RNF103: variants seen among roughly 807,000 people sequenced by gnomAD.
RNF103 encodes the protein ring finger protein 103.
RNF103 carries 23 observed loss-of-function variants against 66.2 expected under a neutral mutation model. The ratio of observed to expected loss-of-function variants is 0.35; its 90% confidence interval spans 0.25 to 0.49. RNF103 has a LOEUF of 0.49. RNF103 is among the 20% of genes least tolerant of loss of function. RNF103 has a pLI of 0.98. For missense variants in RNF103, 730 were observed against 814.7 expected, an observed-to-expected ratio of 0.90 and a Z score of 1.27; for synonymous variants, 297 against 289.9, an observed-to-expected ratio of 1.02 and a Z score of -0.25.
At position 86,620,586 on chromosome 2, in the gene RNF103, A is replaced by G. The variant is rs1573371419; in HGVS notation, c.227-117T>C. The G allele has an allele frequency of 8.5e-6, 11 of 1,289,316 alleles. No individual in the cohort carries two copies. In the East Asian group the frequency reaches 2.9e-4, roughly 34 times the overall value. 79.9% of individuals were successfully genotyped at this position (1,289,316 alleles called of 1,614,324 possible). A position where few individuals can be genotyped will look rare whatever the true frequency, so the allele number is the denominator to read the frequency against. On this transcript the variant is annotated intron_variant, in intron 1 of 3. Transcript: ENST00000237455. ...TGATATTGTACTTTCATTGTATTTT[A>G]TAGACAAGAACTACTAGAAGAACCT...
chr2:86,604,385 T>C lies in RNF103; in HGVS notation c.1516A>G (p.Thr506Ala). Residue 506 changes from threonine (T) to alanine (A), a missense_variant, in exon 4 of 4, where the codon ACT (threonine) becomes GCT (alanine). Physicochemically the swap from Thr to Ala is moderately conservative, Grantham distance 58. Around this residue, in one of 3 missense-constraint regions of RNF103, gnomAD observed 355 missense variants for 351.9 expected, o/e 1.01. Coordinates refer to ENST00000237455, the MANE Select transcript of RNF103 (RefSeq NM_005667.4). ...ATTGGTAAGTTTTTAATATAATCAG[T>C]TGGTATCAGAGGGTGAAGCCAAAGG... ...PDLWLHPLIP[T>A]DYIKNLPMWR... 1.9e-6 allele frequency: 3 copies of C among 1,614,202 alleles called. No individual in the cohort carries two copies. The African/African-American group carries it at 4.0e-5, about 22-fold the overall frequency.
intron 3 of RNF103, among the ~76,000 whole-genome samples, chr2:86,607,581 A>G (rs1678622804): frequency 6.6e-6 from 1 of 152,246 alleles, no homozygotes; most frequent in African/African-American, 2.4e-5. Context: ...TCTGAAAAGT[A>G]TATATTCCTA....
intron 2 of RNF103, 71 bp from the exon 3 acceptor site, chr2:86,612,345 C>A: frequency 1.3e-6 from 1 of 787,482 alleles, no homozygotes. Flanking sequence ...TTTACATCAA[C>A]AATATAATTT....
intron 2 of RNF103, chr2:86,617,321 T>C: frequency 2.0e-6 from 2 of 985,374 alleles, no homozygotes; most frequent in Non-Finnish European, 2.4e-6. Flanking sequence ...TCTTCTAAAA[T>C]ACAGTGGTCT....
chr2:86,616,882 A>T (rs1679044530), intron 2 of RNF103: 4 of 985,462 alleles, frequency 4.1e-6, no homozygotes, highest in Non-Finnish European at 4.8e-6. Context: ...TCCACTTCAG[A>T]AGCCTATCCA....
intron 2 of RNF103, 148 bp from the exon 3 acceptor site, chr2:86,612,422 T>C (rs987220607): frequency 7.1e-6 from 4 of 566,588 alleles, no homozygotes; most frequent in Non-Finnish European, 1.2e-5. Flanking sequence ...TCATTACAAT[T>C]CTTATAGAAG....
intron 3 of RNF103, among the ~76,000 whole-genome samples, chr2:86,609,622 G>T (rs997687121): frequency 2.0e-5 from 3 of 151,938 alleles, no homozygotes; most frequent in Admixed American, 6.6e-5. Flanking sequence ...CTTACCTCCG[G>T]TGATCTACCT....
At chr2:86,617,391 T>C in intron 2 of RNF103, 1 of 726,400 alleles carries the variant, frequency 1.4e-6, no homozygotes, top group South Asian at 6.3e-5. Context: ...CTACATACAA[T>C]TAGATATTCG....
In RNF103 at chr2:86,623,477, G is replaced by T. The variant is rs1481871810; in HGVS notation, c.-591C>A. On this transcript the variant is annotated 5_prime_UTR_variant, in exon 1 of 4. Coordinates refer to ENST00000237455, the MANE Select transcript of RNF103 (RefSeq NM_005667.4). ...CGCGGGGAGGAGCGGCCGCCGCAAC[G>T]CCGCGCCCGAAGCCCAGGCCCCAGG... The T allele has an allele frequency of 1.0e-6, 1 of 982,308 alleles. No homozygotes were observed. Among genetic ancestry groups the T allele is most frequent in the East Asian group, 1.1e-4 (1 of 8,714 alleles). 60.8% of individuals were successfully genotyped at this position (982,308 alleles called of 1,614,324 possible). A position where few individuals can be genotyped will look rare whatever the true frequency, so the allele number is the denominator to read the frequency against.
chr2:86,605,564 A>C, intron 3 of RNF103, 146 bp from the exon 4 acceptor site: 1 of 709,364 alleles, frequency 1.4e-6, no homozygotes, highest in South Asian at 2.5e-5. Flanking sequence ...AGCTGTGAAA[A>C]ACAAGCTCTG....
At chr2:86,613,533 T>C (rs1678887044) in intron 2 of RNF103, 1 of 152,080 alleles carries the variant, frequency 6.6e-6, no homozygotes, top group Admixed American at 6.5e-5. Context: ...TACTATACAA[T>C]TCAAAATTAC....
At chr2:86,610,017 T>C (rs1678729328) in intron 3 of RNF103, among the ~76,000 whole-genome samples, 1 of 152,212 alleles carries the variant, frequency 6.6e-6, no homozygotes, top group South Asian at 2.1e-4. Context: ...ATCTCCATAG[T>C]CATCAAAAGA....
At chr2:86,612,537 TA>T in intron 2 of RNF103, 1 of 275,740 alleles carries the variant, frequency 3.6e-6, no homozygotes, top group East Asian at 7.6e-5. Context: ...AAAACTGTAT[TA>T]AAAGGCTAGC....
At chr2:86,607,635 A>AT (rs1678625280) in intron 3 of RNF103, among the ~76,000 whole-genome samples, 1 of 152,252 alleles carries the variant, frequency 6.6e-6, no homozygotes, top group Non-Finnish European at 1.5e-5. Flanking sequence ...TAATTCATTG[A>AT]TTGACATGAA....
chr2:86,616,922 CT>C, intron 2 of RNF103: 1 of 985,392 alleles, frequency 1.0e-6, no homozygotes, highest in Non-Finnish European at 1.2e-6. Flanking sequence ...GACCAAGGGT[CT>C]TTTGAAAGAA....
Position 86,603,641 on chromosome 2 carries a change from T to TA in RNF103, c.*201dup. 1.6e-6 allele frequency: 1 copy of TA among 634,996 alleles called. No homozygotes were observed. The highest frequency in any genetic ancestry group is 2.5e-6 in the Non-Finnish European group (1 of 404,828). The allele number at this position is 634,996 out of a possible 1,614,324, so 39.3% of individuals were successfully genotyped here. On this transcript the variant is annotated 3_prime_UTR_variant, in exon 4 of 4. Transcript: ENST00000237455. Reference sequence around the variant, plus strand: ...ACTTCTGAATTTCCAATGTTGTAAATAAAAAAATTTTACAATTAGGTATGC... The same window carrying TA: ...ACTTCTGAATTTCCAATGTTGTAAATAAAAAAAATTTTACAATTAGGTATGC...
At position 86,622,899 on chromosome 2, in the gene RNF103, T is replaced by C. The variant is rs396354; in HGVS notation, c.-13A>G. Reference sequence around the variant, plus strand: ...GCTTCAGCCACATCTTCCCTGGAGTTTCCTCTCTTTCCAGAGAGCTCGGAA... The same window carrying C: ...GCTTCAGCCACATCTTCCCTGGAGTCTCCTCTCTTTCCAGAGAGCTCGGAA... On this transcript the variant is annotated 5_prime_UTR_variant, in exon 1 of 4. Coordinates refer to ENST00000237455, the MANE Select transcript of RNF103 (RefSeq NM_005667.4). 0.72 allele frequency: 1,140,823 copies of C among 1,576,572 alleles called. 415,276 individuals are homozygous for C. Among genetic ancestry groups the C allele is most frequent in the East Asian group, 0.93 (39,796 of 42,580 alleles).
In RNF103 at chr2:86,603,720, A is replaced by G; in HGVS notation, c.*123T>C. ...AAATTCTGTCATCAACATTAGCATA[A>G]TGTGTATTTCCCGTCACTGCACTAA... On this transcript the variant is annotated 3_prime_UTR_variant, in exon 4 of 4. Transcript: ENST00000237455. 7.5e-7 allele frequency: 1 copy of G among 1,339,450 alleles called. No homozygotes were observed. Among genetic ancestry groups the G allele is most frequent in the Non-Finnish European group, 1.0e-6 (1 of 987,614 alleles). 83.0% of individuals were successfully genotyped at this position (1,339,450 alleles called of 1,614,324 possible).
intron 2 of RNF103, chr2:86,617,061 T>A (rs1679049802): frequency 1.0e-6 from 1 of 985,266 alleles, no homozygotes; most frequent in African/African-American, 1.7e-5. Context: ...ATGTTAGGAA[T>A]AACTTAGAAA....
Sources: allele counts gnomAD v4.1 joint callset (sites outside exome capture counted in the v4.1 genomes callset), GRCh38; gene constraint gnomAD v4.1.1; regional missense constraint gnomAD v4.1.1; transcripts MANE v1.5; gene names NCBI Gene and HGNC (gene_info 2026-07-23, HGNC 2026-07-21).